Variants in SUPT5H observed in about 807,000 individuals in gnomAD.
The protein encoded by SUPT5H is SPT5 homolog, DSIF elongation factor subunit.
In SUPT5H, 24 loss-of-function variants were observed where a neutral mutation model predicts 142.5. The observed-to-expected ratio is 0.17, with a 90% CI of 0.12 to 0.24. The LOEUF (loss-of-function observed/expected upper bound fraction) is 0.24. Ranked by LOEUF, SUPT5H falls within the 10% of genes least tolerant of loss-of-function variation. The pLI, the probability that SUPT5H is intolerant of heterozygous loss-of-function variation, is 1.00. For missense variants in SUPT5H, 893 were observed against 1,471.8 expected (o/e 0.61, Z 6.43); for synonymous variants, 546 against 553.0 (o/e 0.99, Z 0.18).
intron 3 of SUPT5H, among the ~76,000 whole-genome samples, chr19:39,456,688 GATTAC>G (rs1348043855): frequency 1.2e-4 from 18 of 152,174 alleles, no homozygotes; most frequent in Admixed American, 3.9e-4. Flanking sequence ...AAAGTGCTGG[GATTAC>G]AGGCATGAGC....
chr19:39,446,013 T>G lies in SUPT5H; in HGVS notation c.75+48T>G, dbSNP rs369442442. ...GAGACATTGCGTCTGGGGACAGGAC[T>G]CCGGGCAGAAAGGCCCCTGTGGGAG... On this transcript the variant is annotated intron_variant, in intron 2 of 29. Transcript: ENST00000432763. The G allele has an allele frequency of 2.3e-4, 365 of 1,586,110 alleles. 1 individual carries two copies. Among genetic ancestry groups the G allele is most frequent in the African/African-American group, 2.1e-3 (154 of 74,808 alleles).
rs957760892 is a variant in SUPT5H, at chr19:39,474,947, CAAAT to C, written c.3024+230_3024+233del. The C allele has an allele frequency of 8.1e-5, 48 of 596,040 alleles. No individual in the cohort carries two copies. Among genetic ancestry groups the C allele is most frequent in the Non-Finnish European group, 1.3e-4 (44 of 335,542 alleles). The allele number at this position is 596,040 out of a possible 1,614,324, so 36.9% of individuals were successfully genotyped here. A position where few individuals can be genotyped will look rare whatever the true frequency, so the allele number is the denominator to read the frequency against. ...AGGAGAAATCTGAGCCAAGACCTGA[CAAAT>C]GAATAGGAGTAAGCTAAGGAAAGTG... is the stretch of plus-strand genomic sequence containing the variant. On this transcript the variant is annotated intron_variant, in intron 28 of 29. Coordinates refer to ENST00000432763, the MANE Select transcript of SUPT5H (RefSeq NM_001111020.3). The surrounding 1 kb of genome is among the most constrained non-coding windows in gnomAD (Gnocchi z 6.5).
intron 2 of SUPT5H, among the ~76,000 whole-genome samples, chr19:39,447,840 A>G (rs1168830213): frequency 6.6e-6 from 1 of 152,124 alleles, no homozygotes; most frequent in East Asian, 1.9e-4. Context: ...GCATTTTTGG[A>G]GTTGACATTT....
At chr19:39,465,837 A>G (rs2079227968) in intron 11 of SUPT5H, among the ~76,000 whole-genome samples, 1 of 152,152 alleles carries the variant, frequency 6.6e-6, no homozygotes, top group African/African-American at 2.4e-5. Flanking sequence ...CCAAGACCCT[A>G]ATACACGTTG....
In SUPT5H at chr19:39,476,458, C is replaced by T. The variant is rs1464439038; in HGVS notation, c.*59C>T. On this transcript the variant is annotated 3_prime_UTR_variant, in exon 30 of 30. Coordinates refer to ENST00000432763, the MANE Select transcript of SUPT5H (RefSeq NM_001111020.3). ...GAGTGATCCTCCTTCCTTCCCTGGCCCTTGGCTGTGACACAAGATCCTCCT... is the reference window on the plus strand; with the variant it reads ...GAGTGATCCTCCTTCCTTCCCTGGCTCTTGGCTGTGACACAAGATCCTCCT... 7 of 1,600,208 alleles carry T rather than the reference C, an allele frequency of 4.4e-6. No homozygotes were observed. Among genetic ancestry groups the T allele is most frequent in the Non-Finnish European group, 6.0e-6 (7 of 1,172,396 alleles).
intron 2 of SUPT5H, among the ~76,000 whole-genome samples, chr19:39,446,852 CA>C (rs1225219136): frequency 6.6e-6 from 1 of 152,108 alleles, no homozygotes; most frequent in Non-Finnish European, 1.5e-5. Context: ...ACTAAAAATA[CA>C]AAAAAATTAG....
At chr19:39,454,356 G>GTTT (rs869183044) in intron 3 of SUPT5H, among the ~76,000 whole-genome samples, 1 of 26,170 alleles carries the variant, frequency 3.8e-5, no homozygotes, top group Non-Finnish European at 6.7e-5. Flanking sequence ...TGTTGTCGTT[G>GTTT]TTTTTTTTTT....
At position 39,474,502 on chromosome 19, in the gene SUPT5H, C is replaced by CT; in HGVS notation, c.2821-10dup. ...ATGACTATTCCCAATGACACTTCCT[C>CT]TTTCCCCTGCAGGCTAGCCCCAGCC... is the stretch of plus-strand genomic sequence containing the variant. On this transcript the variant is annotated splice_polypyrimidine_tract_variant and intron_variant, in intron 27 of 29. Transcript: ENST00000432763. This position sits in a 1 kb window ranked among gnomAD's most constrained non-coding sequence, Gnocchi z 6.5. 6.2e-7 allele frequency: 1 copy of CT among 1,613,836 alleles called. No homozygotes were observed. Among genetic ancestry groups the CT allele is most frequent in the Non-Finnish European group, 8.5e-7 (1 of 1,179,814 alleles).
Position 39,469,923 on chromosome 19 carries a change from G to A in SUPT5H, c.1375-196G>A. ...GCTGGGGTAAAGGTTGTCCAGGTTGGTGTCCTGTGTCTGGGGTCAGCTGTT... is the reference window on the plus strand; with the variant it reads ...GCTGGGGTAAAGGTTGTCCAGGTTGATGTCCTGTGTCTGGGGTCAGCTGTT... On this transcript the variant is annotated intron_variant, in intron 16 of 29. Transcript: ENST00000432763. The surrounding 1 kb of genome is among the most constrained non-coding windows in gnomAD (Gnocchi z 5.1). 1 of 645,002 alleles carries A rather than the reference G, an allele frequency of 1.6e-6. No homozygotes were observed. Among genetic ancestry groups the A allele is most frequent in the South Asian group, 2.0e-5 (1 of 51,180 alleles). The allele number at this position is 645,002 out of a possible 1,614,324, so 40.0% of individuals were successfully genotyped here.
intron 2 of SUPT5H, among the ~76,000 whole-genome samples, chr19:39,452,209 G>A (rs2079030583): frequency 6.6e-6 from 1 of 152,160 alleles, no homozygotes; most frequent in South Asian, 2.1e-4. Flanking sequence ...GTATGAAAGG[G>A]CTCAGAGGCC....
rs1431830369 is a variant in SUPT5H, at chr19:39,458,596, G to A, written c.320-222G>A. The A allele has an allele frequency of 1.3e-5, 9 of 696,936 alleles. No homozygotes were observed. Among genetic ancestry groups the A allele is most frequent in the Non-Finnish European group, 7.1e-6 (3 of 423,284 alleles). 43.2% of individuals were successfully genotyped at this position (696,936 alleles called of 1,614,324 possible). A position where few individuals can be genotyped will look rare whatever the true frequency, so the allele number is the denominator to read the frequency against. On this transcript the variant is annotated intron_variant, in intron 5 of 29. Coordinates refer to ENST00000432763, the MANE Select transcript of SUPT5H (RefSeq NM_001111020.3). This position sits in a 1 kb window ranked among gnomAD's most constrained non-coding sequence, Gnocchi z 4.2. ...CCTGGACTTTGAGATGGGAACAGCT[G>A]GAAGCCCCCCAACTTGCTGGGCCCC...
chr19:39,468,887 A>C (rs2079279175), intron 14 of SUPT5H, 26 bp downstream of exon 14: 1 of 1,607,816 alleles, frequency 6.2e-7, no homozygotes, highest in Admixed American at 1.7e-5. Context: ...GGGTGTTGGT[A>C]ATGGGGGTGG....
At position 39,474,103 on chromosome 19, in the gene SUPT5H, C is replaced by A; in HGVS notation, c.2633C>A (p.Thr878Lys). 2 of 1,599,250 alleles carry A rather than the reference C, an allele frequency of 1.3e-6. No homozygotes were observed. The highest frequency in any genetic ancestry group is 1.7e-6 in the Non-Finnish European group (2 of 1,171,422). Residue 878 changes from threonine to lysine, a missense_variant, in exon 26 of 30, where the codon ACG becomes AAG. Transcript: ENST00000432763. The surrounding 1 kb of genome is among the most constrained non-coding windows in gnomAD (Gnocchi z 6.5). Reference sequence around the variant, plus strand: ...GTCAACCCACAATACAACCCGCAGACGCCAGGGACGCCGGCCATGTGAGTC... The same window carrying A: ...GTCAACCCACAATACAACCCGCAGAAGCCAGGGACGCCGGCCATGTGAGTC... ...PQVNPQYNPQ[T>K]PGTPAMYNTD...
At chr19:39,457,842 C>A in intron 4 of SUPT5H, 102 bp downstream of exon 4, 1 of 1,546,194 alleles carries the variant, frequency 6.5e-7, no homozygotes, top group Non-Finnish European at 8.8e-7. Context: ...TACACCCCAA[C>A]TCCCACCGTC....
chr19:39,459,726 C>T (rs976533412), intron 9 of SUPT5H, 137 bp downstream of exon 9: 33 of 1,309,590 alleles, frequency 2.5e-5, no homozygotes, highest in Non-Finnish European at 3.3e-5. Context: ...CCTCACTCCA[C>T]GTTACTGACT....
At position 39,455,551 on chromosome 19, in the gene SUPT5H, G is replaced by A. The variant is rs577824747; in HGVS notation, c.241+2030G>A. Among the ~76,000 whole-genome samples the A allele has an allele frequency of 3.0e-4, 46 of 151,656 alleles. 1 individual carries two copies. Among genetic ancestry groups the A allele is most frequent in the East Asian group, 3.9e-4 (2 of 5,150 alleles). The stretch of plus-strand genomic sequence containing the variant: ...TAGCTTGGGTGACAGAGCAAGACTC[G>A]GTCTAAACAAAAAAAATTACATGGG... On this transcript the variant is annotated intron_variant, in intron 3 of 29. Coordinates refer to ENST00000432763, the MANE Select transcript of SUPT5H (RefSeq NM_001111020.3).
At chr19:39,446,222 GC>G (rs2078952027) in intron 2 of SUPT5H, among the ~76,000 whole-genome samples, 1 of 152,094 alleles carries the variant, frequency 6.6e-6, no homozygotes, top group African/African-American at 2.4e-5. Flanking sequence ...TAAGCACTTA[GC>G]ATTAGTTTTT....
rs550395737 is a variant in SUPT5H, at chr19:39,449,765, G to A, written c.76-3591G>A. Among the ~76,000 whole-genome samples, 23 of 151,380 alleles carry A rather than the reference G, an allele frequency of 1.5e-4. No individual in the cohort carries two copies. The South Asian group carries it at 4.8e-3, about 32-fold the overall frequency. ...AGCAGTTCTCCTCTCTCAGCTTCCT[G>A]AGTAGCTGGGATTACAGCGGTGCGC... On this transcript the variant is annotated intron_variant, in intron 2 of 29. Coordinates refer to ENST00000432763, the MANE Select transcript of SUPT5H (RefSeq NM_001111020.3).
chr19:39,474,178 C>A lies in SUPT5H; in HGVS notation c.2652-56C>A, dbSNP rs532950124. 6.2e-7 allele frequency: 1 copy of A among 1,611,758 alleles called. No homozygotes were observed. Among genetic ancestry groups the A allele is most frequent in the East Asian group, 2.2e-5 (1 of 44,858 alleles). Reference sequence around the variant, plus strand: ...CCTGCCCAAACCCTCCTACTGCCACCACCTCTTTTCCCCTCCCTCCTCCAA... The same window carrying A: ...CCTGCCCAAACCCTCCTACTGCCACAACCTCTTTTCCCCTCCCTCCTCCAA... On this transcript the variant is annotated intron_variant, in intron 26 of 29. Coordinates refer to ENST00000432763, the MANE Select transcript of SUPT5H (RefSeq NM_001111020.3). This position sits in a 1 kb window ranked among gnomAD's most constrained non-coding sequence, Gnocchi z 6.5.
Sources: gnomAD v4.1 joint callset for allele counts (sites outside exome capture counted in the v4.1 genomes callset) on GRCh38, gnomAD v4.1.1 for gene constraint, Gnocchi (gnomAD v3.1) non-coding constraint, MANE v1.5 for transcripts, NCBI Gene and HGNC (gene_info 2026-07-23, HGNC 2026-07-21) for gene names.